The following CXCR5 variants were observed in gnomAD, a reference collection of about 807,000 sequenced individuals.
CXCR5 encodes C-X-C motif chemokine receptor 5.
Under a neutral mutation model 5.6 loss-of-function variants are expected in CXCR5, and 3 were observed. That is an observed-to-expected ratio of 0.54 (90% CI 0.24 to 1.39). The LOEUF is 1.39. Ranked by LOEUF, CXCR5 falls within the 40% of genes most tolerant of loss-of-function variation. The probability of loss-of-function intolerance (pLI) is 0.16; values close to 1 mark genes in which losing one functional copy is unlikely to be tolerated. For missense variants in CXCR5, 333 were observed against 494.6 expected, an observed-to-expected ratio of 0.67 and a Z score of 3.10; for synonymous variants, 218 against 219.9, an observed-to-expected ratio of 0.99 and a Z score of 0.08.
At chr11:118,892,667 TG>T (rs72112893) in intron 1 of CXCR5, among the ~76,000 whole-genome samples, 1,695 of 43,262 alleles carry the variant, frequency 0.039, 17 homozygotes, top group East Asian at 0.071. Flanking sequence ...GCTGGGGTGA[TG>T]GGGGGGGGGT....
rs1283286060 is a variant in CXCR5 at position 118,893,302 on chromosome 11, AG to A, written c.52-292del. ...CCAAGGCTGCAGGCTTCCGTACATGAGGACCCAAAAACACAAGCTGACTTAT... is the reference window on the plus strand; with the variant it reads ...CCAAGGCTGCAGGCTTCCGTACATGAGACCCAAAAACACAAGCTGACTTAT... On this transcript the variant is annotated intron_variant, in intron 1 of 1. Transcript: ENST00000292174. The surrounding 1 kb of genome is among the most constrained non-coding windows in gnomAD (Gnocchi z 5.7). The A allele has an allele frequency of 1.3e-6, 1 of 776,408 alleles. No individual in the cohort carries two copies. The allele number at this position is 776,408 out of a possible 1,614,324, so 48.1% of individuals were successfully genotyped here. A position where few individuals can be genotyped will look rare whatever the true frequency, so the allele number is the denominator to read the frequency against.
At chr11:118,887,415 T>C in intron 1 of CXCR5, 1 of 985,514 alleles carries the variant, frequency 1.0e-6, no homozygotes, top group Non-Finnish European at 1.2e-6. Flanking sequence ...AAAGAGACGC[T>C]GGGGTGCCAG....
At position 118,891,862 on chromosome 11, in the gene CXCR5, ACT is replaced by A. The variant is rs1269505063; in HGVS notation, c.52-1732_52-1731del. 2.3e-5 allele frequency among the ~76,000 whole-genome samples: 3 copies of A among 127,714 alleles called. No homozygotes were observed. The East Asian group carries it at 6.3e-4, about 27-fold the overall frequency. 83.8% of individuals were successfully genotyped at this position (127,714 alleles called of 152,430 possible). A position where few individuals can be genotyped will look rare whatever the true frequency, so the allele number is the denominator to read the frequency against. ...CTCCAGCCTGGGCAACAAGAGCAAA[ACT>A]CCCCCTCAAAAAAAAAAAAAAAAAA... is the stretch of plus-strand genomic sequence containing the variant. On this transcript the variant is annotated intron_variant, in intron 1 of 1. Coordinates refer to ENST00000292174, the MANE Select transcript of CXCR5 (RefSeq NM_001716.5).
intron 1 of CXCR5, among the ~76,000 whole-genome samples, chr11:118,888,700 G>A (rs1266474946): frequency 6.6e-6 from 1 of 152,208 alleles, no homozygotes; most frequent in Non-Finnish European, 1.5e-5. Flanking sequence ...GACGGGTAAT[G>A]TTTTAAACCT....
intron 1 of CXCR5, among the ~76,000 whole-genome samples, chr11:118,892,150 C>T (rs757244938): frequency 3.9e-5 from 6 of 152,080 alleles, no homozygotes; most frequent in African/African-American, 1.4e-4. Context: ...AGGGATGCTG[C>T]GGGAAGGGTT....
chr11:118,884,011 C>G lies in CXCR5; in HGVS notation c.51+19C>G, dbSNP rs1266409510. 6.2e-7 allele frequency: 1 copy of G among 1,611,130 alleles called. No individual in the cohort carries two copies. Among genetic ancestry groups the G allele is most frequent in the East Asian group, 2.2e-5 (1 of 44,746 alleles). ...GGACCTGGTGAGTAGACACGGGTAG[C>G]TTCCTGTCGCCGAGGCCCTGTCTGG... On this transcript the variant is annotated intron_variant, in intron 1 of 1. Coordinates refer to ENST00000292174, the MANE Select transcript of CXCR5 (RefSeq NM_001716.5).
chr11:118,886,478 C>CTTAAAA, intron 1 of CXCR5: 1 of 318,976 alleles, frequency 3.1e-6, no homozygotes, highest in South Asian at 2.4e-5. Context: ...AAGGCAGGGG[C>CTTAAAA]TGGGGGGTGG....
At chr11:118,890,176 A>G (rs1939786163) in intron 1 of CXCR5, among the ~76,000 whole-genome samples, 2 of 152,210 alleles carry the variant, frequency 1.3e-5, no homozygotes, top group African/African-American at 4.8e-5. Flanking sequence ...CATCAAGGTT[A>G]TTGGGAGAAG....
At chr11:118,886,493 G>T in intron 1 of CXCR5, 1 of 389,360 alleles carries the variant, frequency 2.6e-6, no homozygotes, top group Non-Finnish European at 5.0e-6. Context: ...GGGTGGGGAC[G>T]GGCTGCTAAT....
intron 1 of CXCR5, among the ~76,000 whole-genome samples, chr11:118,887,937 A>C (rs1939741265): frequency 6.6e-6 from 1 of 152,228 alleles, no homozygotes; most frequent in African/African-American, 2.4e-5. Context: ...GTTCGGCCTG[A>C]GTAAGCCACG....
chr11:118,887,176 T>C, intron 1 of CXCR5: 1 of 934,388 alleles, frequency 1.1e-6, no homozygotes. Flanking sequence ...CAGGAACTCT[T>C]GCTTTCCCCA....
At chr11:118,885,059 C>T (rs1039120539) in intron 1 of CXCR5, among the ~76,000 whole-genome samples, 7 of 152,160 alleles carry the variant, frequency 4.6e-5, no homozygotes, top group African/African-American at 1.4e-4. Flanking sequence ...CCTGCTCCCC[C>T]GGCTGGAGTG....
At chr11:118,890,681 C>T (rs934629770) in intron 1 of CXCR5, among the ~76,000 whole-genome samples, 8 of 152,186 alleles carry the variant, frequency 5.3e-5, no homozygotes, top group East Asian at 3.9e-4. Flanking sequence ...TTGGGAAGAA[C>T]ATAAAGGCTG....
intron 1 of CXCR5, among the ~76,000 whole-genome samples, chr11:118,891,674 GC>G (rs1338921897): frequency 1.3e-5 from 2 of 152,002 alleles, no homozygotes; most frequent in Non-Finnish European, 2.9e-5. Flanking sequence ...TTTGAGACCA[GC>G]CTGGCCAACA....
chr11:118,885,646 AC>A (rs1939699673), intron 1 of CXCR5, among the ~76,000 whole-genome samples: 1 of 152,134 alleles, frequency 6.6e-6, no homozygotes, highest in Non-Finnish European at 1.5e-5. Context: ...CCAACTGGAG[AC>A]CCGGCGGGTC....
intron 1 of CXCR5, among the ~76,000 whole-genome samples, chr11:118,884,897 G>C (rs1234381797): frequency 6.6e-6 from 1 of 152,066 alleles, no homozygotes; most frequent in African/African-American, 2.4e-5. Context: ...TGGTTGTAAG[G>C]GTTTCTTGGA....
chr11:118,893,976 C>T lies in CXCR5; in HGVS notation c.432C>T (p.Ala144=), dbSNP rs953223801. The change falls in exon 2 of 2, where the codon GCC becomes GCT. Residue 144 remains alanine, a synonymous_variant. Coordinates refer to ENST00000292174, the MANE Select transcript of CXCR5 (RefSeq NM_001716.5). The surrounding 1 kb of genome is among the most constrained non-coding windows in gnomAD (Gnocchi z 5.7). The part of the protein sequence containing the change: ...YCSSLLLACI[A]VDRYLAIVHA... ...GCAGCCTGCTCCTGGCCTGCATCGCCGTGGACCGCTACCTGGCCATTGTCC... is the reference window on the plus strand; with the variant it reads ...GCAGCCTGCTCCTGGCCTGCATCGCTGTGGACCGCTACCTGGCCATTGTCC... 4.3e-6 allele frequency: 7 copies of T among 1,613,798 alleles called. No individual in the cohort carries two copies. The highest frequency in any genetic ancestry group is 1.7e-5 in the Admixed American group (1 of 60,004).
intron 1 of CXCR5, chr11:118,886,494 G>T (rs1188199641): frequency 5.1e-6 from 2 of 389,442 alleles, no homozygotes; most frequent in Non-Finnish European, 9.9e-6. Flanking sequence ...GGTGGGGACG[G>T]GCTGCTAATT....
Position 118,894,207 on chromosome 11 carries a change from C to T in CXCR5, c.663C>T (p.Leu221=). ...ATGCCTGGTTCACCTCCCGATTCCT[C>T]TACCATGTGGCGGGATTCCTGCTGC... ...ETHAWFTSRF[L]YHVAGFLLPM... The change falls in exon 2 of 2, where the codon CTC becomes CTT. Residue 221 remains leucine (L), a synonymous_variant. Transcript: ENST00000292174. This position sits in a 1 kb window ranked among gnomAD's most constrained non-coding sequence, Gnocchi z 6.1. The T allele has an allele frequency of 1.2e-6, 2 of 1,614,144 alleles. No homozygotes were observed. The highest frequency in any genetic ancestry group is 1.1e-5 in the South Asian group (1 of 91,088).
Sources: allele counts gnomAD v4.1 joint callset (sites outside exome capture counted in the v4.1 genomes callset), GRCh38; gene constraint gnomAD v4.1.1; non-coding constraint Gnocchi (gnomAD v3.1); transcripts MANE v1.5; gene names NCBI Gene and HGNC (gene_info 2026-07-23, HGNC 2026-07-21).